MEIS1: variants seen among roughly 807,000 people sequenced by gnomAD.
MEIS1 encodes the protein homeobox protein Meis1.
In MEIS1, 5 loss-of-function variants were observed where a neutral mutation model predicts 50.8. That is an observed-to-expected ratio of 0.10 (90% confidence interval 0.05 to 0.21). The LOEUF is 0.21. MEIS1 is among the 10% of genes least tolerant of loss of function. MEIS1 has a pLI of 1.00. For synonymous variants in MEIS1, 176 were observed against 179.3 expected, an observed-to-expected ratio of 0.98 and a Z score of 0.15; for missense variants, 318 against 517.3, an observed-to-expected ratio of 0.61 and a Z score of 3.74.
intron 8 of MEIS1, among the ~76,000 whole-genome samples, chr2:66,534,609 A>C (rs1048026127): frequency 6.6e-6 from 1 of 152,192 alleles, no homozygotes. Context: ...TCACTGAAGC[A>C]TGAATGGACT....
intron 8 of MEIS1, among the ~76,000 whole-genome samples, chr2:66,536,028 G>A (rs754305587): frequency 1.3e-5 from 2 of 152,164 alleles, no homozygotes; most frequent in Non-Finnish European, 2.9e-5. Flanking sequence ...TGGGTGCTCT[G>A]CTATTTGGCA....
In MEIS1 at chr2:66,435,702, T is replaced by G; in HGVS notation, c.-155T>G. ...CCGTAGACCGAAGATCTGGGACCAG[T>G]AGCTCACGTTGCTGGAGACGTTAAG... On this transcript the variant is annotated 5_prime_UTR_variant, in exon 1 of 13. Coordinates refer to ENST00000272369, the MANE Select transcript of MEIS1 (RefSeq NM_002398.3). 1.6e-6 allele frequency: 1 copy of G among 636,890 alleles called. No individual in the cohort carries two copies. Among genetic ancestry groups the G allele is most frequent in the Non-Finnish European group, 2.6e-6 (1 of 386,374 alleles). The allele number at this position is 636,890 out of a possible 1,614,324, so 39.5% of individuals were successfully genotyped here.
intron 8 of MEIS1, among the ~76,000 whole-genome samples, chr2:66,530,572 C>A (rs1050423600): frequency 2.6e-5 from 4 of 152,102 alleles, no homozygotes; most frequent in African/African-American, 9.7e-5. Context: ...AAAAATTAGC[C>A]GGGCGTGGTG....
intron 7 of MEIS1, among the ~76,000 whole-genome samples, chr2:66,465,022 G>T (rs902546472): frequency 2.0e-5 from 3 of 152,156 alleles, no homozygotes; most frequent in Non-Finnish European, 2.9e-5. Flanking sequence ...TAAAAAGGCT[G>T]TTTTATTGAA....
At chr2:66,523,925 A>G (rs965004082) in intron 8 of MEIS1, among the ~76,000 whole-genome samples, 1 of 152,238 alleles carries the variant, frequency 6.6e-6, no homozygotes, top group African/African-American at 2.4e-5. Context: ...CTAAAAATTC[A>G]TTACCAATTT....
chr2:66,545,098 A>G (rs1019644532), intron 8 of MEIS1, among the ~76,000 whole-genome samples: 2 of 152,230 alleles, frequency 1.3e-5, no homozygotes, highest in Non-Finnish European at 2.9e-5. Context: ...AAGTAACTAA[A>G]GATAAATGGT....
intron 7 of MEIS1, among the ~76,000 whole-genome samples, chr2:66,501,033 C>A (rs948386614): frequency 4.0e-5 from 6 of 151,898 alleles, no homozygotes; most frequent in Non-Finnish European, 8.8e-5. Context: ...ATATGGGGTA[C>A]TTTTTTTCCT....
At chr2:66,520,280 C>T (rs1473508345) in intron 8 of MEIS1, among the ~76,000 whole-genome samples, 1 of 151,088 alleles carries the variant, frequency 6.6e-6, no homozygotes, top group Non-Finnish European at 1.5e-5. Flanking sequence ...CGAGACCATC[C>T]TGGCTAACCC....
chr2:66,484,936 C>T (rs1673103188), intron 7 of MEIS1, among the ~76,000 whole-genome samples: 2 of 152,088 alleles, frequency 1.3e-5, no homozygotes, highest in Non-Finnish European at 2.9e-5. Context: ...TCCAAAGATC[C>T]TCATACTACA....
chr2:66,538,957 G>A (rs1003620979), intron 8 of MEIS1, among the ~76,000 whole-genome samples: 4 of 151,972 alleles, frequency 2.6e-5, no homozygotes, highest in Non-Finnish European at 4.4e-5. Context: ...GCGCGATCTC[G>A]GCTCACTGCA....
chr2:66,495,034 C>T (rs916544242), intron 7 of MEIS1, among the ~76,000 whole-genome samples: 12 of 147,728 alleles, frequency 8.1e-5, no homozygotes, highest in African/African-American at 3.0e-4. Flanking sequence ...TCCACATTCA[C>T]ATAGCCTAAG....
intron 9 of MEIS1, chr2:66,562,094 C>G (rs1371189457): frequency 9.7e-6 from 1 of 102,568 alleles, no homozygotes; most frequent in Non-Finnish European, 1.8e-5. Flanking sequence ...TTACAGAGAG[C>G]CATACAAGGG....
rs566293456 is a variant in MEIS1, at chr2:66,497,378, A to G, written c.743-14771A>G. Among the ~76,000 whole-genome samples the G allele has an allele frequency of 9.2e-5, 14 of 152,296 alleles. No individual in the cohort carries two copies. In the East Asian group the frequency reaches 2.5e-3, roughly 27 times the overall value. ...AGAAAAGCAAGGATTGTGAGAATTA[A>G]TTGATCAAAGATCAATGCCAATCTC... On this transcript the variant is annotated intron_variant, in intron 7 of 12. Coordinates refer to ENST00000272369, the MANE Select transcript of MEIS1 (RefSeq NM_002398.3).
rs556363027 is a variant in MEIS1, at chr2:66,492,534, G to GCTGT, written c.743-19614_743-19611dup. 3.3e-5 allele frequency among the ~76,000 whole-genome samples: 5 copies of GCTGT among 152,300 alleles called. No homozygotes were observed. The East Asian group carries it at 9.6e-4, about 29-fold the overall frequency. ...CCTCCTGGGCAACTAAGCTAAGAAA[G>GCTGT]CTGTTGCTCTCATCTGGCTGGTTTC... On this transcript the variant is annotated intron_variant, in intron 7 of 12. Coordinates refer to ENST00000272369, the MANE Select transcript of MEIS1 (RefSeq NM_002398.3).
intron 8 of MEIS1, among the ~76,000 whole-genome samples, chr2:66,534,547 T>G (rs1434864350): frequency 9.9e-6 from 1 of 101,484 alleles, no homozygotes; most frequent in African/African-American, 3.4e-5. Flanking sequence ...AAAAAAAAAA[T>G]TCTTTTAAAA....
chr2:66,573,192 G>C lies in MEIS1; in HGVS notation c.*1984G>C, dbSNP rs1675514956. 1 of 152,036 alleles carries C rather than the reference G, an allele frequency of 6.6e-6. No individual in the cohort carries two copies. Among genetic ancestry groups the C allele is most frequent in the Non-Finnish European group, 1.5e-5 (1 of 68,032 alleles). The allele number at this position is 152,036 out of a possible 1,614,324, so 9.4% of individuals were successfully genotyped here. A position where few individuals can be genotyped will look rare whatever the true frequency, so the allele number is the denominator to read the frequency against. On this transcript the variant is annotated 3_prime_UTR_variant, in exon 13 of 13. Transcript: ENST00000272369. The stretch of plus-strand genomic sequence containing the variant: ...ATAAATATGCTCTATGTTCTCATTG[G>C]ATAAAACTGGTTATTAACCAATTTT...
chr2:66,558,607 G>T (rs1165791853), intron 9 of MEIS1, among the ~76,000 whole-genome samples: 1 of 152,180 alleles, frequency 6.6e-6, no homozygotes, highest in Non-Finnish European at 1.5e-5. Context: ...TTCCAAGGAT[G>T]CATGCAAGCC....
intron 6 of MEIS1, chr2:66,454,666 T>C (rs1672348775): frequency 6.6e-6 from 1 of 152,150 alleles, no homozygotes; most frequent in Admixed American, 6.6e-5. Flanking sequence ...AGTTGTTTTA[T>C]ATAAAACACT....
At chr2:66,478,308 C>T (rs1672940289) in intron 7 of MEIS1, among the ~76,000 whole-genome samples, 1 of 152,160 alleles carries the variant, frequency 6.6e-6, no homozygotes. Flanking sequence ...AAGAATAGAC[C>T]TTAGGCTCAT....
Sources: allele counts gnomAD v4.1 joint callset (sites outside exome capture counted in the v4.1 genomes callset), GRCh38; gene constraint gnomAD v4.1.1; transcripts MANE v1.5; gene names NCBI Gene and HGNC (gene_info 2026-07-23, HGNC 2026-07-21).